The following SAXO1 variants were observed in gnomAD, a reference collection of about 807,000 sequenced individuals.
SAXO1 encodes 4930500O09Rik.
SAXO1 carries 21 observed loss-of-function variants against 17.5 expected under a neutral mutation model. That is an observed-to-expected ratio of 1.20 (90% CI 0.85 to 1.72). SAXO1 has a LOEUF of 1.72. Among genes scored for constraint, SAXO1 ranks in the 40% most tolerant of loss-of-function variants. SAXO1 has a pLI of 0.00. For synonymous variants in SAXO1, 274 were observed against 216.5 expected, an observed-to-expected ratio of 1.27 and a Z score of -2.33; for missense variants, 843 against 596.0, an observed-to-expected ratio of 1.41 and a Z score of -4.32.
At chr9:18,966,879 T>C (rs1047842574) in intron 1 of SAXO1, among the ~76,000 whole-genome samples, 7 of 152,212 alleles carry the variant, frequency 4.6e-5, no homozygotes, top group South Asian at 4.1e-4. Flanking sequence ...CCTTCGTGGA[T>C]TTATCTACCT....
intron 1 of SAXO1, among the ~76,000 whole-genome samples, chr9:19,016,313 G>A (rs1342308408): frequency 6.6e-6 from 1 of 152,180 alleles, no homozygotes; most frequent in Non-Finnish European, 1.5e-5. Flanking sequence ...GTGCACGCCT[G>A]TAGTCCCGGC....
At chr9:19,005,351 A>G (rs1320812124) in intron 1 of SAXO1, among the ~76,000 whole-genome samples, 1 of 152,194 alleles carries the variant, frequency 6.6e-6, no homozygotes, top group Non-Finnish European at 1.5e-5. Flanking sequence ...GACCAAGTAT[A>G]AAGACCCACA....
At position 18,928,178 on chromosome 9, in the gene SAXO1, C is replaced by T. The variant is rs1299837523; in HGVS notation, c.1299G>A (p.Glu433=). ...TCCTGTGACCCAAAGCATCCACTTC[C>T]TCAAAGGTGTAGCCAGGAGGCTCAG... is the stretch of plus-strand genomic sequence containing the variant. The part of the protein sequence containing the change: ...SYPEPPGYTF[E]EVDALGHRIY... The change falls in exon 4 of 4, where the codon GAG becomes GAA. Residue 433 remains glutamate (E), a synonymous_variant. Transcript: ENST00000380534. 6.2e-7 allele frequency: 1 copy of T among 1,614,218 alleles called. No homozygotes were observed. Among genetic ancestry groups the T allele is most frequent in the East Asian group, 2.2e-5 (1 of 44,886 alleles).
chr9:19,023,760 G>A (rs1835349168), intron 1 of SAXO1, among the ~76,000 whole-genome samples: 1 of 151,552 alleles, frequency 6.6e-6, no homozygotes, highest in Non-Finnish European at 1.5e-5. Context: ...TTCAGATATT[G>A]GGCATTTCTG....
intron 1 of SAXO1, among the ~76,000 whole-genome samples, chr9:18,991,518 A>G (rs1175885238): frequency 6.6e-6 from 1 of 152,138 alleles, no homozygotes; most frequent in Non-Finnish European, 1.5e-5. Context: ...TTGAACAATG[A>G]GAACACCTAG....
At chr9:18,933,849 A>G (rs1186389981) in intron 3 of SAXO1, among the ~76,000 whole-genome samples, 2 of 152,206 alleles carry the variant, frequency 1.3e-5, no homozygotes, top group East Asian at 1.9e-4. Context: ...GATCAAGACC[A>G]TCCTGGCCAA....
intron 2 of SAXO1, among the ~76,000 whole-genome samples, chr9:18,943,018 C>T (rs1181212281): frequency 6.6e-6 from 1 of 152,230 alleles, no homozygotes; most frequent in Non-Finnish European, 1.5e-5. Context: ...AACCCACTTC[C>T]TGGCCAAAAT....
Position 18,950,883 on chromosome 9 carries a change from T to G in SAXO1, c.93A>C (p.Pro31=). The G allele has an allele frequency of 6.2e-7, 1 of 1,613,148 alleles. No individual in the cohort carries two copies. Among genetic ancestry groups the G allele is most frequent in the East Asian group, 2.2e-5 (1 of 44,836 alleles). The change falls in exon 2 of 4, where the codon CCA becomes CCC. Residue 31 remains proline, a synonymous_variant. Transcript: ENST00000380534. The stretch of plus-strand genomic sequence containing the variant: ...TCTCGGTATATTCGGAGAGAAGACA[T>G]GGTTTCTCTGTTTTATCATAAATCT... The part of the protein sequence containing the change: ...PTKIYDKTEK[P]CLLSEYTENY...
In SAXO1 at chr9:18,928,549, G is replaced by C; in HGVS notation, c.928C>G (p.His310Asp). The C allele has an allele frequency of 6.2e-7, 1 of 1,614,090 alleles. No homozygotes were observed. The highest frequency in any genetic ancestry group is 8.5e-7 in the Non-Finnish European group (1 of 1,179,992). The change falls in exon 4 of 4, where the codon CAT becomes GAT. Residue 310 changes from histidine (H) to aspartate (D), a missense_variant. Transcript: ENST00000380534. The part of the protein sequence containing the change: ...RMDLLTTVQA[H>D]YTCPKGAPAQ... Reference sequence around the variant, plus strand: ...GGGGCACCCTTAGGGCATGTGTAATGGGCCTGCACTGTTGTCAGAAGATCC... The same window carrying C: ...GGGGCACCCTTAGGGCATGTGTAATCGGCCTGCACTGTTGTCAGAAGATCC...
chr9:18,957,797 C>G (rs951840586), intron 1 of SAXO1, among the ~76,000 whole-genome samples: 2 of 152,142 alleles, frequency 1.3e-5, no homozygotes, highest in African/African-American at 4.8e-5. Context: ...CCCCCACAAC[C>G]CAACTGGCCT....
intron 1 of SAXO1, among the ~76,000 whole-genome samples, chr9:19,039,039 T>C (rs1338345146): frequency 6.6e-6 from 1 of 151,864 alleles, no homozygotes; most frequent in Non-Finnish European, 1.5e-5. Flanking sequence ...TATTGCTGTA[T>C]ACCATCTGAA....
chr9:18,937,299 G>T (rs772306239), intron 3 of SAXO1, among the ~76,000 whole-genome samples: 16 of 152,288 alleles, frequency 1.1e-4, no homozygotes, highest in Admixed American at 5.9e-4. Flanking sequence ...CCTGGGTGGG[G>T]ATTTGTGTAG....
intron 1 of SAXO1, among the ~76,000 whole-genome samples, chr9:18,963,540 G>C (rs1174634095): frequency 1.3e-5 from 2 of 152,050 alleles, no homozygotes; most frequent in African/African-American, 4.8e-5. Context: ...GTATTCCTAG[G>C]TTTTTTATTC....
intron 1 of SAXO1, among the ~76,000 whole-genome samples, chr9:19,041,161 GA>G (rs35085745): frequency 0.01 from 739 of 73,016 alleles, 2 homozygotes; most frequent in Admixed American, 0.03. Flanking sequence ...TGAACAATCT[GA>G]AAAAAAAAAA....
At chr9:19,006,262 A>C (rs986580995) in intron 1 of SAXO1, among the ~76,000 whole-genome samples, 2 of 152,236 alleles carry the variant, frequency 1.3e-5, no homozygotes, top group Non-Finnish European at 2.9e-5. Flanking sequence ...CACCAATTCG[A>C]CTTTCAGGTA....
chr9:19,041,266 C>G (rs1366803369), intron 1 of SAXO1, among the ~76,000 whole-genome samples: 1 of 148,268 alleles, frequency 6.7e-6, no homozygotes, highest in Non-Finnish European at 1.5e-5. Context: ...ACAATGAAAA[C>G]TATAAAACAC....
At chr9:19,029,175 G>A (rs1375457048) in intron 1 of SAXO1, among the ~76,000 whole-genome samples, 2 of 152,142 alleles carry the variant, frequency 1.3e-5, no homozygotes, top group Non-Finnish European at 2.9e-5. Flanking sequence ...GAGCCCACTC[G>A]CCAACAAGTA....
At chr9:18,985,520 A>G (rs1833556348) in intron 1 of SAXO1, among the ~76,000 whole-genome samples, 1 of 152,104 alleles carries the variant, frequency 6.6e-6, no homozygotes. Flanking sequence ...GGTAAAATTC[A>G]TTTTTTTGTT....
At chr9:18,974,657 G>C (rs1241050323) in intron 1 of SAXO1, among the ~76,000 whole-genome samples, 1 of 152,134 alleles carries the variant, frequency 6.6e-6, no homozygotes, top group Admixed American at 6.5e-5. Flanking sequence ...ATAGTAATAG[G>C]TTATAACCCA....
Sources: allele counts gnomAD v4.1 joint callset (sites outside exome capture counted in the v4.1 genomes callset), GRCh38; gene constraint gnomAD v4.1.1; transcripts MANE v1.5; gene names NCBI Gene and HGNC (gene_info 2026-07-23, HGNC 2026-07-21).